The following MITF variants were observed in gnomAD, a reference collection of about 807,000 sequenced individuals.
MITF encodes the protein microphthalmia-associated transcription factor.
Under a neutral mutation model 60.5 loss-of-function variants are expected in MITF, and 17 were observed. That is an observed-to-expected ratio of 0.28 (90% CI 0.19 to 0.42). MITF has a LOEUF of 0.42. MITF is among the 10% of genes least tolerant of loss of function. The pLI, the probability that MITF is intolerant of heterozygous loss-of-function variation, is 1.00. For synonymous variants in MITF, 260 were observed against 248.5 expected, an observed-to-expected ratio of 1.05 and a Z score of -0.43; for missense variants, 622 against 683.5, an observed-to-expected ratio of 0.91 and a Z score of 1.00.
chr3:69,763,874 C>A, intron 1 of MITF: 1 of 1,378,058 alleles, frequency 7.3e-7, no homozygotes, highest in Admixed American at 2.1e-5. Context: ...CAGTGGTTTT[C>A]CCACGAGCTA....
At chr3:69,786,368 A>G (rs1452403985) in intron 1 of MITF, among the ~76,000 whole-genome samples, 1 of 152,180 alleles carries the variant, frequency 6.6e-6, no homozygotes, top group Non-Finnish European at 1.5e-5. Context: ...GTTGACAGTA[A>G]ATGAGTATGA....
At chr3:69,948,537 T>C (rs747291204) in intron 5 of MITF, among the ~76,000 whole-genome samples, 1 of 150,928 alleles carries the variant, frequency 6.6e-6, no homozygotes, top group Non-Finnish European at 1.5e-5. Flanking sequence ...AAGGAAATCA[T>C]TTCCAATTAA....
At chr3:69,921,855 C>T (rs1179624050) in intron 2 of MITF, among the ~76,000 whole-genome samples, 3 of 152,122 alleles carry the variant, frequency 2.0e-5, no homozygotes, top group African/African-American at 4.8e-5. Flanking sequence ...AACACTGGGA[C>T]GAAAGAGTCT....
At chr3:69,866,542 T>TTGGGGG (rs930135223) in intron 1 of MITF, among the ~76,000 whole-genome samples, 4 of 34,228 alleles carry the variant, frequency 1.2e-4, no homozygotes, top group East Asian at 9.7e-4. Context: ...AACAACTAAT[T>TTGGGGG]TGGGGGTGGG....
intron 6 of MITF, among the ~76,000 whole-genome samples, chr3:69,951,151 G>A (rs1392918629): frequency 7.0e-6 from 1 of 142,668 alleles, no homozygotes; most frequent in African/African-American, 2.6e-5. Context: ...GAGCTGGTGT[G>A]CAGTGGTGTG....
chr3:69,762,010 G>A (rs1458791344), intron 1 of MITF, among the ~76,000 whole-genome samples: 2 of 151,756 alleles, frequency 1.3e-5, no homozygotes, highest in East Asian at 3.9e-4. Context: ...TGCTATTTTT[G>A]TGTGTCTTCA....
At chr3:69,947,771 G>A (rs1005031732) in intron 5 of MITF, among the ~76,000 whole-genome samples, 4 of 152,102 alleles carry the variant, frequency 2.6e-5, no homozygotes, top group African/African-American at 9.7e-5. Flanking sequence ...CTTATTCCAT[G>A]TCCATTGCCT....
intron 2 of MITF, among the ~76,000 whole-genome samples, chr3:69,887,735 G>A (rs571529714): frequency 1.0e-3 from 154 of 152,094 alleles, no homozygotes; most frequent in African/African-American, 3.7e-3. Flanking sequence ...CTATACCATT[G>A]TTTCTACCAG....
At chr3:69,862,773 G>A (rs1219605229) in intron 1 of MITF, among the ~76,000 whole-genome samples, 1 of 152,146 alleles carries the variant, frequency 6.6e-6, no homozygotes, top group Non-Finnish European at 1.5e-5. Context: ...AGCTTTTAAA[G>A]GGTCAGTAAG....
chr3:69,914,005 T>C lies in MITF; in HGVS notation c.355-23817T>C, dbSNP rs1265820448. 3.3e-5 allele frequency among the ~76,000 whole-genome samples: 5 copies of C among 152,230 alleles called. No homozygotes were observed. In the East Asian group the frequency reaches 9.6e-4, roughly 29 times the overall value. ...CTCAGTAGAAGTTGTTTTCATGGGC[T>C]TTTCCATTTATTTCTGCTGTGGTTG... On this transcript the variant is annotated intron_variant, in intron 2 of 9. Coordinates refer to ENST00000352241, the MANE Select transcript of MITF (RefSeq NM_001354604.2).
rs372664546 is a variant in MITF at position 69,830,177 on chromosome 3, T to C, written c.105-48957T>C. On this transcript the variant is annotated intron_variant, in intron 1 of 9. Coordinates refer to ENST00000352241, the MANE Select transcript of MITF (RefSeq NM_001354604.2). ...TGCTTTCATCAGGTTCTATCGGTGGTTCATGACCCTCAAAGTCAAAGAATC... is the reference window on the plus strand; with the variant it reads ...TGCTTTCATCAGGTTCTATCGGTGGCTCATGACCCTCAAAGTCAAAGAATC... 4.6e-5 allele frequency among the ~76,000 whole-genome samples: 7 copies of C among 152,234 alleles called. No homozygotes were observed. The East Asian group carries it at 1.4e-3, about 29-fold the overall frequency.
chr3:69,870,001 G>A (rs1489542800), intron 1 of MITF, among the ~76,000 whole-genome samples: 1 of 151,996 alleles, frequency 6.6e-6, no homozygotes, highest in Non-Finnish European at 1.5e-5. Flanking sequence ...TTTCGGTGGT[G>A]TTCTTGGGGT....
intron 1 of MITF, among the ~76,000 whole-genome samples, chr3:69,825,543 A>G (rs1435473048): frequency 2.6e-5 from 4 of 152,210 alleles, no homozygotes; most frequent in African/African-American, 9.6e-5. Context: ...TAATATCTAC[A>G]TTGATAATCC....
intron 1 of MITF, among the ~76,000 whole-genome samples, chr3:69,793,602 T>A (rs955488972): frequency 2.0e-5 from 3 of 152,106 alleles, no homozygotes; most frequent in Admixed American, 2.0e-4. Context: ...GTTCCTTGGG[T>A]GGAAAAATTG....
intron 2 of MITF, among the ~76,000 whole-genome samples, chr3:69,915,485 G>T (rs1380848838): frequency 6.6e-6 from 1 of 151,272 alleles, no homozygotes; most frequent in South Asian, 2.1e-4. Flanking sequence ...ATATATATTT[G>T]TATGTACAAA....
chr3:69,953,203 AT>A (rs964356781), intron 7 of MITF, among the ~76,000 whole-genome samples: 17 of 152,130 alleles, frequency 1.1e-4, no homozygotes, highest in African/African-American at 4.1e-4. Context: ...CTTCTAAGTA[AT>A]TTTACCCTAA....
At chr3:69,848,535 A>G (rs1447511623) in intron 1 of MITF, among the ~76,000 whole-genome samples, 1 of 152,238 alleles carries the variant, frequency 6.6e-6, no homozygotes, top group African/African-American at 2.4e-5. Context: ...AGAATTTAAA[A>G]TAAATGATTA....
chr3:69,944,031 A>G (rs1286676545), intron 5 of MITF, among the ~76,000 whole-genome samples: 3 of 152,140 alleles, frequency 2.0e-5, no homozygotes, highest in African/African-American at 7.2e-5. Context: ...GAGTTCAAGG[A>G]TGCAATGAAT....
At chr3:69,939,913 C>G (rs895669704) in intron 4 of MITF, among the ~76,000 whole-genome samples, 1 of 152,050 alleles carries the variant, frequency 6.6e-6, no homozygotes. Flanking sequence ...GCATATTTAC[C>G]AACTCAATTA....
Sources: allele counts gnomAD v4.1 joint callset (sites outside exome capture counted in the v4.1 genomes callset), GRCh38; gene constraint gnomAD v4.1.1; transcripts MANE v1.5; gene names NCBI Gene and HGNC (gene_info 2026-07-23, HGNC 2026-07-21).